The following OCA2 variants were observed in gnomAD, a reference collection of about 807,000 sequenced individuals.
OCA2 encodes OCA2 melanosomal transmembrane protein.
A neutral mutation model predicts 100.2 loss-of-function variants in OCA2; 77 were observed. That is an observed-to-expected ratio of 0.77 (90% CI 0.64 to 0.93). The LOEUF is 0.93. Ranked by LOEUF, OCA2 falls within the 40% of genes least tolerant of loss-of-function variation. The probability of loss-of-function intolerance (pLI) is 0.00; values close to 1 mark genes in which losing one functional copy is unlikely to be tolerated. For missense variants in OCA2, 1,062 were observed against 1,089.1 expected (o/e 0.98, Z 0.35); for synonymous variants, 432 against 439.2 (o/e 0.98, Z 0.21).
chr15:28,023,546 G>A (rs1392639742), intron 5 of OCA2, among the ~76,000 whole-genome samples: 1 of 150,276 alleles, frequency 6.7e-6, no homozygotes, highest in Non-Finnish European at 1.5e-5. Flanking sequence ...CCTGTCACCA[G>A]GGCAGGCTGC....
At chr15:27,994,527 A>G (rs2041660468) in intron 9 of OCA2, among the ~76,000 whole-genome samples, 2 of 152,262 alleles carry the variant, frequency 1.3e-5, no homozygotes, top group Admixed American at 1.3e-4. Flanking sequence ...GCATCGCCTC[A>G]CAGACCCAGC....
At chr15:27,974,477 A>G (rs2040901851) in intron 14 of OCA2, among the ~76,000 whole-genome samples, 1 of 152,216 alleles carries the variant, frequency 6.6e-6, no homozygotes, top group African/African-American at 2.4e-5. Context: ...GAAATAAATT[A>G]AAATCAAGGC....
intron 4 of OCA2, among the ~76,000 whole-genome samples, chr15:28,026,619 G>C (rs1595846844): frequency 6.6e-6 from 1 of 152,192 alleles, no homozygotes; most frequent in African/African-American, 2.4e-5. Flanking sequence ...GCTTGGCTCA[G>C]TGTGGCCTTG....
chr15:27,910,460 T>C (rs927922763), intron 19 of OCA2, among the ~76,000 whole-genome samples: 3 of 152,142 alleles, frequency 2.0e-5, no homozygotes, highest in Non-Finnish European at 2.9e-5. Flanking sequence ...GAATAAACGA[T>C]GGCACATTCA....
intron 19 of OCA2, among the ~76,000 whole-genome samples, chr15:27,900,297 C>A (rs576079227): frequency 1.3e-5 from 2 of 152,084 alleles, no homozygotes; most frequent in African/African-American, 2.4e-5. Flanking sequence ...CTACTGCGCA[C>A]ATGCACCCAG....
chr15:27,844,200 G>A (rs934751150), intron 23 of OCA2, among the ~76,000 whole-genome samples: 3 of 152,234 alleles, frequency 2.0e-5, no homozygotes, highest in East Asian at 1.9e-4. Context: ...TCCGCTGGAC[G>A]CCCCCACCGA....
chr15:27,948,298 G>A lies in OCA2; in HGVS notation c.1951+3486C>T, dbSNP rs545416940. Among the ~76,000 whole-genome samples the A allele has an allele frequency of 3.3e-5, 5 of 152,278 alleles. No homozygotes were observed. In the South Asian group the frequency reaches 1.0e-3, roughly 32 times the overall value. ...GAACGCAACGGGGTTGGCCTTGCTA[G>A]AAAACAGGGCAGCAGCTGCTTTTAA... On this transcript the variant is annotated intron_variant, in intron 18 of 23. Transcript: ENST00000354638.
chr15:27,816,691 G>C (rs562747466), intron 23 of OCA2, among the ~76,000 whole-genome samples: 1 of 152,078 alleles, frequency 6.6e-6, no homozygotes, highest in Non-Finnish European at 1.5e-5. Flanking sequence ...CCAGGATGAC[G>C]ATACCCTACA....
At chr15:27,901,029 T>C (rs1442555022) in intron 19 of OCA2, among the ~76,000 whole-genome samples, 2 of 152,198 alleles carry the variant, frequency 1.3e-5, no homozygotes, top group East Asian at 3.9e-4. Flanking sequence ...TTTTATGGTA[T>C]TTTGTTGCTT....
At chr15:27,864,537 T>C (rs2036250517) in intron 21 of OCA2, among the ~76,000 whole-genome samples, 1 of 152,248 alleles carries the variant, frequency 6.6e-6, no homozygotes, top group African/African-American at 2.4e-5. Context: ...ATGTCTGTCC[T>C]GATACCTCCC....
chr15:27,886,976 GAGATA>G (rs2037248213), intron 19 of OCA2, among the ~76,000 whole-genome samples: 1 of 152,180 alleles, frequency 6.6e-6, no homozygotes, highest in African/African-American at 2.4e-5. Context: ...GACCTGGTGG[GAGATA>G]ATTGAATCAT....
intron 14 of OCA2, among the ~76,000 whole-genome samples, chr15:27,976,842 G>A (rs1487895446): frequency 1.3e-5 from 2 of 152,000 alleles, no homozygotes; most frequent in East Asian, 1.9e-4. Context: ...TTAACTATTT[G>A]GGAGAATTCA....
At chr15:27,838,383 G>A (rs1225660333) in intron 23 of OCA2, among the ~76,000 whole-genome samples, 2 of 152,142 alleles carry the variant, frequency 1.3e-5, no homozygotes, top group Non-Finnish European at 2.9e-5. Flanking sequence ...CAAACAGGAG[G>A]CCAAAAACAG....
rs1415465119 is a variant in OCA2 at position 27,759,596 on chromosome 15, AAAGC to A, written c.2433-4128_2433-4125del. ...GCAGAGAGGGATATTGCATATAGAT[AAAGC>A]AGTCAATCCACCGAGAGATCATAGT... On this transcript the variant is annotated intron_variant, in intron 23 of 23. Coordinates refer to ENST00000354638, the MANE Select transcript of OCA2 (RefSeq NM_000275.3). Among the ~76,000 whole-genome samples, 1,306 of 152,208 alleles carry A rather than the reference AAAGC, an allele frequency of 8.6e-3. 18 individuals are homozygous for A. Among genetic ancestry groups the A allele is most frequent in the African/African-American group, 0.03 (1,259 of 41,540 alleles).
intron 23 of OCA2, among the ~76,000 whole-genome samples, chr15:27,794,845 A>AT (rs1009004041): frequency 1.3e-5 from 2 of 152,138 alleles, no homozygotes; most frequent in East Asian, 3.9e-4. Context: ...AAACAAATGC[A>AT]TTTTTTTTCC....
chr15:28,031,322 T>C (rs761063701), intron 3 of OCA2, among the ~76,000 whole-genome samples: 3 of 152,352 alleles, frequency 2.0e-5, no homozygotes, highest in South Asian at 2.1e-4. Flanking sequence ...ATATTTTTTA[T>C]TATTTCAGTT....
At chr15:27,877,503 G>C (rs2036840455) in intron 19 of OCA2, among the ~76,000 whole-genome samples, 1 of 151,734 alleles carries the variant, frequency 6.6e-6, no homozygotes, top group South Asian at 2.1e-4. Flanking sequence ...GTATTTACCA[G>C]GGACATTTAT....
At chr15:27,866,111 C>T (rs2036312710) in intron 21 of OCA2, among the ~76,000 whole-genome samples, 4 of 152,190 alleles carry the variant, frequency 2.6e-5, no homozygotes, top group Admixed American at 2.6e-4. Context: ...AGAGGGCAGG[C>T]CATCGTACCC....
chr15:28,002,960 C>A (rs1416996852), intron 9 of OCA2, among the ~76,000 whole-genome samples: 2 of 152,208 alleles, frequency 1.3e-5, no homozygotes, highest in South Asian at 2.1e-4. Context: ...AACAATAGAT[C>A]CCAGAGCTCG....
Sources: allele counts gnomAD v4.1 joint callset (sites outside exome capture counted in the v4.1 genomes callset), GRCh38; gene constraint gnomAD v4.1.1; transcripts MANE v1.5; gene names NCBI Gene and HGNC (gene_info 2026-07-23, HGNC 2026-07-21).